SLCO3A1: variants seen among roughly 807,000 people sequenced by gnomAD.
The protein encoded by SLCO3A1 is PGE1 transporter.
SLCO3A1 carries 27 observed loss-of-function variants against 63.1 expected under a neutral mutation model. That is an observed-to-expected ratio of 0.43 (90% CI 0.32 to 0.59). The LOEUF is 0.59. Ranked by LOEUF, SLCO3A1 falls within the 20% of genes least tolerant of loss-of-function variation. The pLI, the probability that SLCO3A1 is intolerant of heterozygous loss-of-function variation, is 0.09. For synonymous variants in SLCO3A1, 473 were observed against 409.9 expected (o/e 1.15, Z -1.86); for missense variants, 773 against 945.8 (o/e 0.82, Z 2.40).
At chr15:91,857,060 G>A (rs1896941228) in intron 1 of SLCO3A1, among the ~76,000 whole-genome samples, 2 of 150,648 alleles carry the variant, frequency 1.3e-5, no homozygotes, top group Non-Finnish European at 3.0e-5. Context: ...GTGTGTGTGT[G>A]TGTGTGTGTG....
intron 2 of SLCO3A1, among the ~76,000 whole-genome samples, chr15:92,053,510 G>T (rs912682628): frequency 5.3e-5 from 8 of 152,026 alleles, no homozygotes; most frequent in African/African-American, 1.9e-4. Context: ...TTCTGTCCCA[G>T]GATCCCATCC....
intron 2 of SLCO3A1, among the ~76,000 whole-genome samples, chr15:91,986,274 T>C (rs2046051867): frequency 6.6e-6 from 1 of 152,120 alleles, no homozygotes; most frequent in South Asian, 2.1e-4. Context: ...CTCCCTGGCT[T>C]CCTGGGGAAG....
At chr15:92,048,724 C>T (rs1597258902) in intron 2 of SLCO3A1, among the ~76,000 whole-genome samples, 1 of 152,118 alleles carries the variant, frequency 6.6e-6, no homozygotes, top group Non-Finnish European at 1.5e-5. Context: ...CATGGTGAAA[C>T]CCCATCTCTA....
intron 3 of SLCO3A1, among the ~76,000 whole-genome samples, chr15:92,101,548 A>C (rs1490420031): frequency 3.0e-4 from 45 of 152,258 alleles, no homozygotes; most frequent in Non-Finnish European, 7.4e-5. Context: ...AGAGATGGAC[A>C]GAGGCAAGAC....
At chr15:92,063,896 T>G (rs1005159159) in intron 2 of SLCO3A1, among the ~76,000 whole-genome samples, 1 of 152,088 alleles carries the variant, frequency 6.6e-6, no homozygotes, top group Admixed American at 6.5e-5. Context: ...AGGCATTGTT[T>G]TATTGTTGTT....
chr15:91,898,519 C>T (rs934962308), intron 1 of SLCO3A1, among the ~76,000 whole-genome samples: 3 of 152,188 alleles, frequency 2.0e-5, no homozygotes, highest in African/African-American at 7.2e-5. Flanking sequence ...TTCTGGAGGG[C>T]TGAGAAGGCT....
In SLCO3A1 at chr15:91,854,403, G is replaced by A; in HGVS notation, c.180+315G>A. 1.9e-6 allele frequency: 2 copies of A among 1,037,730 alleles called. No homozygotes were observed. Among genetic ancestry groups the A allele is most frequent in the Non-Finnish European group, 2.3e-6 (2 of 861,504 alleles). 64.3% of individuals were successfully genotyped at this position (1,037,730 alleles called of 1,614,324 possible). A position where few individuals can be genotyped will look rare whatever the true frequency, so the allele number is the denominator to read the frequency against. On this transcript the variant is annotated intron_variant, in intron 1 of 9. Transcript: ENST00000318445. This position sits in a 1 kb window ranked among gnomAD's most constrained non-coding sequence, Gnocchi z 6.4. ...ATTCCTCTCCCCCCATAAGAGCGGA[G>A]CGAGACGGTGAGTTCAGGGTTCTCC...
chr15:91,989,488 C>T (rs2046099233), intron 2 of SLCO3A1, among the ~76,000 whole-genome samples: 1 of 152,090 alleles, frequency 6.6e-6, no homozygotes, highest in African/African-American at 2.4e-5. Flanking sequence ...AAAAACATTC[C>T]AGATCTCTCA....
chr15:91,956,376 G>T (rs1038889028), intron 2 of SLCO3A1, among the ~76,000 whole-genome samples: 3 of 152,178 alleles, frequency 2.0e-5, no homozygotes, highest in African/African-American at 7.2e-5. Context: ...CTTCTGGGCA[G>T]CCTCAGTTGG....
At chr15:91,943,055 C>T (rs545612623) in intron 2 of SLCO3A1, among the ~76,000 whole-genome samples, 1 of 152,366 alleles carries the variant, frequency 6.6e-6, no homozygotes, top group Non-Finnish European at 1.5e-5. Flanking sequence ...CTGAAAACCT[C>T]AGGTCTAGTC....
At chr15:92,032,585 A>G (rs1263797076) in intron 2 of SLCO3A1, among the ~76,000 whole-genome samples, 1 of 152,110 alleles carries the variant, frequency 6.6e-6, no homozygotes, top group East Asian at 1.9e-4. Flanking sequence ...CATGTAATGG[A>G]CAAACTGGGT....
intron 1 of SLCO3A1, among the ~76,000 whole-genome samples, chr15:91,914,966 C>T (rs577996390): frequency 3.2e-4 from 49 of 152,304 alleles, no homozygotes; most frequent in Non-Finnish European, 5.9e-4. Context: ...TCAGCGAGGA[C>T]ATCATTCAGC....
chr15:91,955,607 C>T (rs1900146222), intron 2 of SLCO3A1, among the ~76,000 whole-genome samples: 1 of 152,214 alleles, frequency 6.6e-6, no homozygotes, highest in African/African-American at 2.4e-5. Flanking sequence ...GCTGGGATTA[C>T]AGGCACGAGC....
chr15:91,919,703 AGT>A (rs1234634788), intron 2 of SLCO3A1, among the ~76,000 whole-genome samples: 3 of 151,814 alleles, frequency 2.0e-5, no homozygotes, highest in Non-Finnish European at 4.4e-5. Context: ...TTTTTATGAA[AGT>A]GTAAGTAGGA....
At chr15:92,150,591 C>T (rs530160177) in intron 8 of SLCO3A1, among the ~76,000 whole-genome samples, 14 of 151,870 alleles carry the variant, frequency 9.2e-5, no homozygotes, top group African/African-American at 3.4e-4. Context: ...GATGTTTTCC[C>T]CCCCATACGT....
At chr15:92,003,414 G>A (rs1172726505) in intron 2 of SLCO3A1, among the ~76,000 whole-genome samples, 1 of 152,142 alleles carries the variant, frequency 6.6e-6, no homozygotes, top group African/African-American at 2.4e-5. Flanking sequence ...TTGCTTATTA[G>A]TACTTTATTA....
intron 3 of SLCO3A1, among the ~76,000 whole-genome samples, chr15:92,097,430 C>T (rs2047552905): frequency 6.6e-6 from 1 of 152,228 alleles, no homozygotes; most frequent in African/African-American, 2.4e-5. Context: ...CATCCACTCC[C>T]AGTTCCCTCC....
chr15:91,993,382 AT>A (rs1343530645), intron 2 of SLCO3A1, among the ~76,000 whole-genome samples: 2 of 152,224 alleles, frequency 1.3e-5, no homozygotes, highest in African/African-American at 4.8e-5. Context: ...TGAAGATGAA[AT>A]TTGAGAACTA....
At chr15:92,126,310 A>C (rs370331765) in intron 6 of SLCO3A1, 51 bp downstream of exon 6, 5 of 1,506,614 alleles carry the variant, frequency 3.3e-6, no homozygotes, top group Non-Finnish European at 4.6e-6. Flanking sequence ...GGACCCTAGC[A>C]ATCTCCCTCT....
Sources: gnomAD v4.1 joint callset for allele counts (sites outside exome capture counted in the v4.1 genomes callset) on GRCh38, gnomAD v4.1.1 for gene constraint, Gnocchi (gnomAD v3.1) non-coding constraint, MANE v1.5 for transcripts, NCBI Gene and HGNC (gene_info 2026-07-23, HGNC 2026-07-21) for gene names.